ARSL: variants seen among roughly 807,000 people sequenced by gnomAD.
The protein encoded by ARSL is arylsulfatase E (chondrodysplasia punctata 1).
Under a neutral mutation model 31.1 loss-of-function variants are expected in ARSL, and 4 were observed. The observed-to-expected ratio is 0.13, with a 90% confidence interval of 0.06 to 0.29. The LOEUF is 0.29. Among genes scored for constraint, ARSL ranks in the 10% least tolerant of loss-of-function variants. The pLI is 1.00. For missense variants in ARSL, 312 were observed against 497.8 expected (o/e 0.63, Z 3.55); for synonymous variants, 198 against 209.9 (o/e 0.94, Z 0.49).
At chrX:2,966,655 A>AAT (rs1443680855), upstream of ARSL, among the ~76,000 whole-genome samples, 1 of 108,014 alleles carries the variant, frequency 9.3e-6, no homozygotes, top group African/African-American at 3.3e-5. Context: ...ATAATATATA[A>AAT]ATATATAATA....
chrX:2,942,227 G>A (rs1013254721), intron 8 of ARSL, among the ~76,000 whole-genome samples: 1 of 111,992 alleles, frequency 8.9e-6, no homozygotes, highest in Non-Finnish European at 1.9e-5. Flanking sequence ...GATTTAGCAG[G>A]AGACAAGGTA....
intron 5 of ARSL, 62 bp from the exon 6 acceptor site, chrX:2,949,789 T>C (rs1023919143): frequency 8.9e-7 from 1 of 1,121,295 alleles, no homozygotes; most frequent in African/African-American, 1.8e-5. Flanking sequence ...ATGTCGATAT[T>C]GACTGTTTGT....
intron 10 of ARSL, among the ~76,000 whole-genome samples, chrX:2,936,318 A>G (rs1466024883): frequency 9.0e-6 from 1 of 111,091 alleles, no homozygotes; most frequent in Admixed American, 9.6e-5. Flanking sequence ...AAAAATAATT[A>G]CAAAAAAATA....
intron 1 of ARSL, among the ~76,000 whole-genome samples, chrX:2,960,854 G>A (rs1043998434): frequency 9.0e-6 from 1 of 111,479 alleles, no homozygotes; most frequent in Admixed American, 9.6e-5. Context: ...TGATTTGGAA[G>A]GGGGAAGCGG....
chrX:2,940,877 G>A (rs370884332), intron 8 of ARSL, among the ~76,000 whole-genome samples: 2 of 111,760 alleles, frequency 1.8e-5, no homozygotes, highest in South Asian at 3.8e-4. Context: ...CAAAGGTTGC[G>A]GTGAGCCAAG....
intron 1 of ARSL, 125 bp from the exon 2 acceptor site, chrX:2,960,545 C>G (rs764812764): frequency 2.5e-5 from 16 of 635,474 alleles, no homozygotes; most frequent in Non-Finnish European, 3.4e-5. Flanking sequence ...GCAAAAATAT[C>G]TTAAAACAAT....
At chrX:2,951,364 G>A (rs775103130) in intron 5 of ARSL, among the ~76,000 whole-genome samples, 1 of 110,855 alleles carries the variant, frequency 9.0e-6, no homozygotes, top group Admixed American at 9.7e-5. Flanking sequence ...TTGCTTCCAT[G>A]TAGCCACTAC....
chrX:2,943,893 C>T (rs1278266457), intron 7 of ARSL, among the ~76,000 whole-genome samples: 1 of 109,055 alleles, frequency 9.2e-6, no homozygotes, highest in African/African-American at 3.3e-5. Context: ...ATGTCACTCA[C>T]AGTTGGCCGG....
At position 2,935,094 on chromosome X, in the gene ARSL, T is replaced by A; in HGVS notation, c.1508A>T (p.Glu503Val). The change falls in exon 11 of 11, where the codon GAA becomes GTA. Residue 503 changes from glutamate to valine, a missense_variant. Physicochemically the swap from Glu to Val is moderately radical, Grantham distance 121. Transcript: ENST00000381134. ...YGRKVCPCFG[E>V]KVVHHDPPLL... ...AGGTGGATCGTGGTGGACTACTTTTTCCCCAAAGCACGGGCAGACCTTTCT... is the reference window on the plus strand; with the variant it reads ...AGGTGGATCGTGGTGGACTACTTTTACCCCAAAGCACGGGCAGACCTTTCT... 1 of 1,211,448 alleles carries A rather than the reference T, an allele frequency of 8.3e-7. No homozygotes were observed. The highest frequency in any genetic ancestry group is 1.1e-6 in the Non-Finnish European group (1 of 895,443).
At chrX:2,960,467 A>G (rs748455083) in intron 1 of ARSL, 47 bp from the exon 2 acceptor site, 1 of 1,173,801 alleles carries the variant, frequency 8.5e-7, no homozygotes, top group Non-Finnish European at 1.2e-6. Flanking sequence ...GCAGAAATTG[A>G]CCTGATTATA....
Position 2,938,178 on chromosome X carries a change from G to A in ARSL, c.1206C>T (p.Gly402=). ...GACTCGTGGGCTCGCCAATCACTCG[G>A]CCGGCCGGGAGCACCCCGGGCCAGC... ...IFRWPGVLPA[G]RVIGEPTSLM... is the part of the protein sequence containing the mutation. Residue 402 remains glycine, a synonymous_variant, in exon 9 of 11, where the codon GGC becomes GGT. Coordinates refer to ENST00000381134, the MANE Select transcript of ARSL (RefSeq NM_000047.3). The A allele has an allele frequency of 8.3e-7, 1 of 1,212,028 alleles. No individual in the cohort carries two copies. The highest frequency in any genetic ancestry group is 1.1e-6 in the Non-Finnish European group (1 of 895,616).
rs773921261 is a variant in ARSL, at chrX:2,960,421, C to G, written c.-20-1G>C. 23 of 1,203,478 alleles carry G rather than the reference C, an allele frequency of 1.9e-5. No individual in the cohort carries two copies. Among genetic ancestry groups the G allele is most frequent in the Non-Finnish European group, 2.6e-5 (23 of 892,120 alleles). On this transcript the variant is annotated splice_acceptor_variant, in intron 1 of 10. Transcript: ENST00000381134. LOFTEE classifies it low-confidence loss of function (5UTR_SPLICE). Reference sequence around the variant, plus strand: ...AACATGTTGTCTCTCTCTCTACTTCCTGTAAGACATAAAGATGTCCACAAT... The same window carrying G: ...AACATGTTGTCTCTCTCTCTACTTCGTGTAAGACATAAAGATGTCCACAAT...
At chrX:2,942,069 C>T (rs780643762) in intron 8 of ARSL, among the ~76,000 whole-genome samples, 9 of 111,680 alleles carry the variant, frequency 8.1e-5, no homozygotes, top group African/African-American at 2.6e-4. Context: ...ATACAAAGGC[C>T]GGGATGTCAC....
At chrX:2,935,707 T>TA (rs1491506878) in intron 10 of ARSL, among the ~76,000 whole-genome samples, 1,421 of 83,561 alleles carry the variant, frequency 0.017, 31 homozygotes, top group African/African-American at 0.054. Flanking sequence ...TTTTTTTTTT[T>TA]ATTTGAGACA....
intron 4 of ARSL, among the ~76,000 whole-genome samples, chrX:2,953,988 T>C (rs1271940940): frequency 1.8e-5 from 2 of 111,728 alleles, no homozygotes; most frequent in African/African-American, 6.5e-5. Context: ...TCCTAAAGTG[T>C]TGGGATTAGA....
chrX:2,959,935 G>A (rs2089582868), intron 2 of ARSL: 1 of 238,593 alleles, frequency 4.2e-6, no homozygotes, highest in Non-Finnish European at 7.2e-6. Flanking sequence ...AAGGAAGAAA[G>A]AGAGAGAGAA....
At chrX:2,945,051 G>C (rs774263951) in intron 7 of ARSL, among the ~76,000 whole-genome samples, 2 of 110,862 alleles carry the variant, frequency 1.8e-5, no homozygotes, top group African/African-American at 6.6e-5. Flanking sequence ...AAAGGAGGAA[G>C]AGGAGGAGGA....
rs1329604316 is a variant in ARSL at position 2,935,135 on chromosome X, G to A, written c.1467C>T (p.Ala489=). The change falls in exon 11 of 11, where the codon GCC becomes GCT. Residue 489 remains alanine, a synonymous_variant. Transcript: ENST00000381134. Reference sequence around the variant, plus strand: ...AGACCTTTCTTCCATAGCAGGCACCGGCTCCCTCTGGCTGGAACACAGGCG... The same window carrying A: ...AGACCTTTCTTCCATAGCAGGCACCAGCTCCCTCTGGCTGGAACACAGGCG... ...FVTPVFQPEG[A]GACYGRKVCP... is the part of the protein sequence containing the mutation. The A allele has an allele frequency of 5.8e-6, 7 of 1,209,467 alleles. No homozygotes were observed. Among genetic ancestry groups the A allele is most frequent in the African/African-American group, 1.7e-5 (1 of 57,166 alleles).
In ARSL at chrX:2,934,522, C is replaced by T; in HGVS notation, c.*310G>A. Reference sequence around the variant, plus strand: ...ACAGGGTCTTGCTCTGTTGCCCAGGCTGGGGTGCAGTGGTACAATCATAGC... The same window carrying T: ...ACAGGGTCTTGCTCTGTTGCCCAGGTTGGGGTGCAGTGGTACAATCATAGC... On this transcript the variant is annotated 3_prime_UTR_variant, in exon 11 of 11. Transcript: ENST00000381134. 4.1e-6 allele frequency: 1 copy of T among 241,423 alleles called. No homozygotes were observed. The highest frequency in any genetic ancestry group is 7.4e-6 in the Non-Finnish European group (1 of 134,553). 19.9% of individuals were successfully genotyped at this position (241,423 alleles called of 1,213,427 possible).
Sources: gnomAD v4.1 joint callset for allele counts (sites outside exome capture counted in the v4.1 genomes callset) on GRCh38, gnomAD v4.1.1 for gene constraint, MANE v1.5 for transcripts, NCBI Gene and HGNC (gene_info 2026-07-23, HGNC 2026-07-21) for gene names.